Variants in NRG1 observed in about 807,000 individuals in gnomAD.
The protein encoded by NRG1 is pro-neuregulin-1, membrane-bound isoform.
NRG1 carries 18 observed loss-of-function variants against 63.8 expected under a neutral mutation model. The observed-to-expected ratio is 0.28, with a 90% confidence interval of 0.19 to 0.42. The LOEUF is 0.42. Among genes scored for constraint, NRG1 ranks in the 10% least tolerant of loss-of-function variants. The pLI, the probability that NRG1 is intolerant of heterozygous loss-of-function variation, is 1.00. For missense variants in NRG1, 762 were observed against 814.7 expected (o/e 0.94, Z 0.79); for synonymous variants, 302 against 301.3 (o/e 1.00, Z -0.02).
At chr8:32,412,986 C>T (rs574168855) in intron 1 of NRG1, among the ~76,000 whole-genome samples, 2 of 152,244 alleles carry the variant, frequency 1.3e-5, no homozygotes, top group South Asian at 2.1e-4. Context: ...TTAAGTTCCT[C>T]GCCCAAAGCT....
Position 32,742,594 on chromosome 8 carries a change from A to C in NRG1, c.633-81A>C. 1 of 1,310,954 alleles carries C rather than the reference A, an allele frequency of 7.6e-7. No homozygotes were observed. The highest frequency in any genetic ancestry group is 1.7e-5 in the Admixed American group (1 of 57,948). 81.2% of individuals were successfully genotyped at this position (1,310,954 alleles called of 1,614,324 possible). On this transcript the variant is annotated intron_variant, in intron 6 of 11. Transcript: ENST00000356819. The surrounding 1 kb of genome is among the most constrained non-coding windows in gnomAD (Gnocchi z 4.2). ...ACCAAGTTTCAGTCAAATGACACTG[A>C]AGGAGCTTCTTTCTAGCATATATTC...
chr8:32,466,971 G>A (rs760141291), intron 1 of NRG1, among the ~76,000 whole-genome samples: 3 of 151,930 alleles, frequency 2.0e-5, no homozygotes, highest in East Asian at 3.9e-4. Flanking sequence ...AGCACACACA[G>A]CAACCCCTCA....
chr8:31,702,810 A>G (rs941339902), intron 1 of NRG1, among the ~76,000 whole-genome samples: 5 of 152,146 alleles, frequency 3.3e-5, no homozygotes, highest in Non-Finnish European at 5.9e-5. Flanking sequence ...TGCAACAGCT[A>G]TAATTTTAAT....
chr8:31,941,863 A>G (rs899634030), intron 1 of NRG1, among the ~76,000 whole-genome samples: 2 of 152,198 alleles, frequency 1.3e-5, no homozygotes, highest in African/African-American at 2.4e-5. Flanking sequence ...AAGGAAAACT[A>G]CAAAACACTG....
At chr8:32,550,505 C>T (rs2129524004) in intron 1 of NRG1, among the ~76,000 whole-genome samples, 1 of 152,200 alleles carries the variant, frequency 6.6e-6, no homozygotes, top group Admixed American at 6.5e-5. Flanking sequence ...TTTCTGTGGT[C>T]CTCTGTAGAT....
At chr8:32,057,326 T>G (rs1186640835) in intron 1 of NRG1, among the ~76,000 whole-genome samples, 1 of 152,200 alleles carries the variant, frequency 6.6e-6, no homozygotes, top group Non-Finnish European at 1.5e-5. Flanking sequence ...CATTTATTTA[T>G]TTTGCATTGA....
chr8:32,686,887 G>A lies in NRG1; in HGVS notation c.503-41062G>A, dbSNP rs73675412. Among the ~76,000 whole-genome samples the A allele has an allele frequency of 2.6e-3, 398 of 152,238 alleles. 3 individuals are homozygous for A. Among genetic ancestry groups the A allele is most frequent in the African/African-American group, 8.9e-3 (368 of 41,540 alleles). On this transcript the variant is annotated intron_variant, in intron 5 of 11. Transcript: ENST00000356819. ...GATCATTTGGTATTAATGATACAGC[G>A]ATACCACAAAGCACAGGAGGTGTAG...
intron 1 of NRG1, among the ~76,000 whole-genome samples, chr8:32,574,412 G>T (rs939457305): frequency 2.6e-5 from 4 of 152,054 alleles, no homozygotes; most frequent in Non-Finnish European, 4.4e-5. Flanking sequence ...TCACTGTGTG[G>T]TATAGTTTGT....
chr8:31,790,197 T>C (rs1203229137), intron 1 of NRG1, among the ~76,000 whole-genome samples: 1 of 152,196 alleles, frequency 6.6e-6, no homozygotes, highest in Non-Finnish European at 1.5e-5. Context: ...AAAATCAATA[T>C]GCTTAGTGAA....
intron 1 of NRG1, among the ~76,000 whole-genome samples, chr8:32,309,623 G>GT (rs201742810): frequency 1.8e-4 from 28 of 152,038 alleles, no homozygotes; most frequent in African/African-American, 3.6e-4. Flanking sequence ...ATGCCCTATT[G>GT]TTTTTTTTCT....
At chr8:32,395,186 C>A (rs1050535937) in intron 1 of NRG1, among the ~76,000 whole-genome samples, 2 of 152,052 alleles carry the variant, frequency 1.3e-5, no homozygotes, top group Non-Finnish European at 2.9e-5. Context: ...TGAGCTAATG[C>A]AGGGATTTTT....
At chr8:32,271,455 G>C (rs1042841081) in intron 1 of NRG1, among the ~76,000 whole-genome samples, 1 of 152,140 alleles carries the variant, frequency 6.6e-6, no homozygotes, top group Non-Finnish European at 1.5e-5. Flanking sequence ...ATTCCTGGGC[G>C]AGTTGGGTAA....
At chr8:31,934,443 T>A (rs1005731969) in intron 1 of NRG1, among the ~76,000 whole-genome samples, 3 of 144,944 alleles carry the variant, frequency 2.1e-5, no homozygotes, top group Non-Finnish European at 4.5e-5. Context: ...TTTTTTTTTT[T>A]AGTTGGAGTC....
At chr8:32,366,677 G>GTATATA (rs71208175) in intron 1 of NRG1, among the ~76,000 whole-genome samples, 2,806 of 86,488 alleles carry the variant, frequency 0.032, 89 homozygotes, top group Middle Eastern at 0.046. Context: ...GTGTGTGTGT[G>GTATATA]TATATATATA....
At chr8:32,230,839 A>G (rs1207271628) in intron 1 of NRG1, among the ~76,000 whole-genome samples, 2 of 152,114 alleles carry the variant, frequency 1.3e-5, no homozygotes, top group African/African-American at 4.8e-5. Context: ...TGGGGTGTCC[A>G]TCACCTCAGG....
chr8:31,772,731 A>G (rs927428845), intron 1 of NRG1, among the ~76,000 whole-genome samples: 2 of 152,134 alleles, frequency 1.3e-5, no homozygotes, highest in African/African-American at 2.4e-5. Flanking sequence ...TCAGGTAGAT[A>G]TAAAAGGCTC....
At chr8:31,736,339 C>T (rs190242552) in intron 1 of NRG1, among the ~76,000 whole-genome samples, 7 of 152,234 alleles carry the variant, frequency 4.6e-5, no homozygotes, top group East Asian at 1.9e-4. Flanking sequence ...GAGGCCTTCG[C>T]TGACTTCCCT....
At chr8:32,244,109 ATTTATTTGATCC>A in intron 1 of NRG1, among the ~76,000 whole-genome samples, 1 of 152,244 alleles carries the variant, frequency 6.6e-6, no homozygotes, top group South Asian at 2.1e-4. Context: ...CAGCAATCAA[ATTTATTTGATCC>A]TCATGTTCAG....
intron 1 of NRG1, among the ~76,000 whole-genome samples, chr8:32,431,369 C>T (rs1382725883): frequency 6.6e-6 from 1 of 152,112 alleles, no homozygotes; most frequent in Admixed American, 6.5e-5. Flanking sequence ...TGTCCTACTC[C>T]ACCCTTGCTG....
Sources: allele counts gnomAD v4.1 joint callset (sites outside exome capture counted in the v4.1 genomes callset), GRCh38; gene constraint gnomAD v4.1.1; non-coding constraint Gnocchi (gnomAD v3.1); transcripts MANE v1.5; gene names NCBI Gene and HGNC (gene_info 2026-07-23, HGNC 2026-07-21).